The following PHF19 variants were observed in gnomAD, a reference collection of about 807,000 sequenced individuals.
PHF19 encodes polycomb like 3.
PHF19 carries 21 observed loss-of-function variants against 79.8 expected under a neutral mutation model. The observed-to-expected ratio is 0.26, with a 90% CI of 0.19 to 0.38. PHF19 has a LOEUF of 0.38. Among genes scored for constraint, PHF19 ranks in the 10% least tolerant of loss-of-function variants. PHF19 has a pLI of 1.00. For missense variants in PHF19, 445 were observed against 744.2 expected, an observed-to-expected ratio of 0.60 and a Z score of 4.68; for synonymous variants, 273 against 296.3, an observed-to-expected ratio of 0.92 and a Z score of 0.81.
chr9:120,877,455 C>G (rs139080396), upstream of PHF19: 10,624 of 676,530 alleles, frequency 0.016, 259 homozygotes, highest in East Asian at 0.13. Context: ...CCGCCCGCCC[C>G]GCGGGCGCGC....
At chr9:120,882,203 C>T (rs1028728835) in intron 1 of PHF19, among the ~76,000 whole-genome samples, 1 of 152,182 alleles carries the variant, frequency 6.6e-6, no homozygotes, top group Non-Finnish European at 1.5e-5. Context: ...AGGGCTTGTC[C>T]CCTCTGCTCA....
chr9:120,875,434 C>CGAG (rs2046018972), intron 1 of PHF19, among the ~76,000 whole-genome samples: 1 of 152,196 alleles, frequency 6.6e-6, no homozygotes, highest in Non-Finnish European at 1.5e-5. Flanking sequence ...GCCTGTCTCT[C>CGAG]ACCATCCTAT....
intron 1 of PHF19, among the ~76,000 whole-genome samples, chr9:120,875,658 A>G (rs975290452): frequency 6.6e-6 from 1 of 152,008 alleles, no homozygotes; most frequent in Non-Finnish European, 1.5e-5. Context: ...CATTCACCCA[A>G]TAACAGTTTC....
At chr9:120,871,933 G>C (rs977290535) in intron 3 of PHF19, among the ~76,000 whole-genome samples, 10 of 149,206 alleles carry the variant, frequency 6.7e-5, no homozygotes, top group African/African-American at 2.5e-4. Flanking sequence ...AGCTACTCAG[G>C]AGGCTGAGGC....
Position 120,858,068 on chromosome 9 carries a change from G to C in PHF19, c.1619C>G (p.Thr540Ser), listed in dbSNP as rs1206532750. Residue 540 changes from threonine (T) to serine (S), a missense_variant, in exon 15 of 15, where the codon ACC becomes AGC. Thr to Ser is a moderately conservative substitution (Grantham distance 58). Around this residue, in one of 5 missense-constraint regions of PHF19, gnomAD observed 125 missense variants for 180.5 expected, o/e 0.69. Transcript: ENST00000373896. ...CCGCCCAGCTGCACCAAAGTAGTTG[G>C]TGATAGATGACTTGAGGTGGGACAG... ...SSLSHLKSSI[T>S]NYFGAAGRLA... is the part of the protein sequence containing the mutation. 1 of 1,614,168 alleles carries C rather than the reference G, an allele frequency of 6.2e-7. No individual in the cohort carries two copies. The highest frequency in any genetic ancestry group is 8.5e-7 in the Non-Finnish European group (1 of 1,179,990).
chr9:120,869,536 A>C lies in PHF19; in HGVS notation c.466-206T>G, dbSNP rs1202221824. ...AGGAACTCCGTTGATAACAGAATTAAGAGTAATAAGCGCAATAAAGGCAAC... is the reference window on the plus strand; with the variant it reads ...AGGAACTCCGTTGATAACAGAATTACGAGTAATAAGCGCAATAAAGGCAAC... On this transcript the variant is annotated intron_variant, in intron 5 of 14. Coordinates refer to ENST00000373896, the MANE Select transcript of PHF19 (RefSeq NM_015651.3). This position sits in a 1 kb window ranked among gnomAD's most constrained non-coding sequence, Gnocchi z 5.8. 2.8e-6 allele frequency: 4 copies of C among 1,411,790 alleles called. No individual in the cohort carries two copies. Among genetic ancestry groups the C allele is most frequent in the African/African-American group, 1.4e-5 (1 of 69,416 alleles). 87.5% of individuals were successfully genotyped at this position (1,411,790 alleles called of 1,614,324 possible).
chr9:120,874,086 G>A lies in PHF19; in HGVS notation c.187-26C>T, dbSNP rs373882100. On this transcript the variant is annotated intron_variant, in intron 2 of 14. Transcript: ENST00000373896. The surrounding 1 kb of genome is among the most constrained non-coding windows in gnomAD (Gnocchi z 4.5). Reference sequence around the variant, plus strand: ...CTGGGGTACAGATAGGAAGGAGCAAGTGAGAAAGGGCTGGGGAAAAGCCAA... The same window carrying A: ...CTGGGGTACAGATAGGAAGGAGCAAATGAGAAAGGGCTGGGGAAAAGCCAA... 2 of 1,350,546 alleles carry A rather than the reference G, an allele frequency of 1.5e-6. No individual in the cohort carries two copies. The highest frequency in any genetic ancestry group is 1.1e-6 in the Non-Finnish European group (1 of 948,120). The allele number at this position is 1,350,546 out of a possible 1,614,324, so 83.7% of individuals were successfully genotyped here.
At chr9:120,887,017 G>T (rs1468551347) in intron 1 of PHF19, among the ~76,000 whole-genome samples, 1 of 149,366 alleles carries the variant, frequency 6.7e-6, no homozygotes, top group Non-Finnish European at 1.5e-5. Flanking sequence ...AATGAGGCGA[G>T]ATCGCCCCAC....
upstream of PHF19, among the ~76,000 whole-genome samples, chr9:120,879,664 C>A (rs1030222469): frequency 1.3e-5 from 2 of 152,098 alleles, no homozygotes; most frequent in African/African-American, 4.8e-5. Context: ...AAGAAAGGTA[C>A]GGTGTCACCA....
intron 3 of PHF19, among the ~76,000 whole-genome samples, chr9:120,871,652 T>C (rs1342252344): frequency 6.6e-6 from 1 of 152,240 alleles, no homozygotes; most frequent in Non-Finnish European, 1.5e-5. Context: ...AATATGTTTT[T>C]ATGTGTGAAA....
chr9:120,858,309 AGAT>A, intron 14 of PHF19, 23 bp from the exon 15 acceptor site: 2 of 1,494,858 alleles, frequency 1.3e-6, no homozygotes, highest in Non-Finnish European at 1.8e-6. Context: ...TGGGAGAGGA[AGAT>A]GATGAGAATG....
intron 1 of PHF19, among the ~76,000 whole-genome samples, chr9:120,887,633 C>T (rs1333772011): frequency 1.1e-5 from 1 of 86,960 alleles, no homozygotes. Flanking sequence ...CACACACACA[C>T]ACACACACAC....
intron 1 of PHF19, among the ~76,000 whole-genome samples, chr9:120,876,804 A>G (rs2046073286): frequency 6.6e-6 from 1 of 152,108 alleles, no homozygotes; most frequent in Admixed American, 6.5e-5. Context: ...CGAAATGCCA[A>G]ACGCCCGTCT....
upstream of PHF19, chr9:120,877,407 C>G (rs867166712): frequency 5.2e-4 from 501 of 964,084 alleles, no homozygotes; most frequent in African/African-American, 8.4e-3. Flanking sequence ...GAGCCCGCGG[C>G]CGCCGGGCTC....
At chr9:120,899,649 G>A (rs573107891), upstream of PHF19, among the ~76,000 whole-genome samples, 1 of 152,232 alleles carries the variant, frequency 6.6e-6, no homozygotes, top group Non-Finnish European at 1.5e-5. Context: ...CTGAGGCTTA[G>A]TTAGCCTCTG....
At position 120,866,920 on chromosome 9, in the gene PHF19, G is replaced by A. The variant is rs200192298; in HGVS notation, c.660C>T (p.Phe220=). The change falls in exon 7 of 15, where the codon TTC becomes TTT. Residue 220 remains phenylalanine, a synonymous_variant. Coordinates refer to ENST00000373896, the MANE Select transcript of PHF19 (RefSeq NM_015651.3). The surrounding 1 kb of genome is among the most constrained non-coding windows in gnomAD (Gnocchi z 5.2). ...MLQCYRCRQW[F]HEACTQCLNE... ...TGAGGCACTGGGTGCAGGCCTCGTGGAACCACTGCCTGCACCGGTAACATT... is the reference window on the plus strand; with the variant it reads ...TGAGGCACTGGGTGCAGGCCTCGTGAAACCACTGCCTGCACCGGTAACATT... 1.3e-5 allele frequency: 21 copies of A among 1,612,466 alleles called. No individual in the cohort carries two copies. The highest frequency in any genetic ancestry group is 1.8e-5 in the Non-Finnish European group (21 of 1,178,462).
rs540811297 is a variant in PHF19 at position 120,891,711 on chromosome 9, A to G, written c.42+3077T>C. Among the ~76,000 whole-genome samples, 59 of 152,318 alleles carry G rather than the reference A, an allele frequency of 3.9e-4. No homozygotes were observed. In the South Asian group the frequency reaches 8.3e-3, roughly 21 times the overall value. On this transcript the variant is annotated intron_variant, in intron 1 of 14. Transcript: ENST00000616568. This position sits in a 1 kb window ranked among gnomAD's most constrained non-coding sequence, Gnocchi z 4.3. The stretch of plus-strand genomic sequence containing the variant: ...AACTAGTCATCTGTTTATCTGAGTC[A>G]GTAGCATTGAGCAGCTGTATAGTCC...
chr9:120,892,393 C>A (rs951189053), intron 1 of PHF19, among the ~76,000 whole-genome samples: 1 of 152,100 alleles, frequency 6.6e-6, no homozygotes, highest in Non-Finnish European at 1.5e-5. Context: ...AGACTTGTGC[C>A]GTACGTGCAA....
intron 1 of PHF19, among the ~76,000 whole-genome samples, chr9:120,884,798 A>G (rs372141695): frequency 8.6e-5 from 13 of 151,806 alleles, no homozygotes; most frequent in African/African-American, 3.1e-4. Flanking sequence ...GTACACGCCT[A>G]TGATCCCAGC....
Sources: gnomAD v4.1 joint callset for allele counts (sites outside exome capture counted in the v4.1 genomes callset) on GRCh38, gnomAD v4.1.1 for gene constraint, gnomAD v4.1.1 regional missense constraint, Gnocchi (gnomAD v3.1) non-coding constraint, MANE v1.5 for transcripts, NCBI Gene and HGNC (gene_info 2026-07-23, HGNC 2026-07-21) for gene names.